CFAP299: variants seen among roughly 807,000 people sequenced by gnomAD.
The protein encoded by CFAP299 is cilia and flagella associated protein 299.
A neutral mutation model predicts 27.0 loss-of-function variants in CFAP299; 21 were observed. The ratio of observed to expected loss-of-function variants is 0.78; its 90% CI spans 0.55 to 1.12. The LOEUF (loss-of-function observed/expected upper bound fraction) is 1.12, where lower values mean the gene tolerates loss of function less well. Ranked by LOEUF, CFAP299 falls within the 50% of genes most tolerant of loss-of-function variation. The pLI is 0.00. For synonymous variants in CFAP299, 104 were observed against 98.1 expected (o/e 1.06, Z -0.36); for missense variants, 310 against 276.6 (o/e 1.12, Z -0.86).
chr4:80,533,762 A>T (rs2110190300), intron 2 of CFAP299, among the ~76,000 whole-genome samples: 1 of 152,280 alleles, frequency 6.6e-6, no homozygotes, highest in South Asian at 2.1e-4. Context: ...TGCTCATCAG[A>T]ATTATTCATA....
intron 4 of CFAP299, among the ~76,000 whole-genome samples, chr4:80,911,209 C>G (rs942391467): frequency 2.8e-5 from 4 of 144,586 alleles, no homozygotes; most frequent in African/African-American, 1.0e-4. Context: ...CATTTTTTTG[C>G]TTGGTTGTTT....
At chr4:80,953,463 A>G (rs571086777) in intron 5 of CFAP299, among the ~76,000 whole-genome samples, 1 of 152,352 alleles carries the variant, frequency 6.6e-6, no homozygotes, top group Non-Finnish European at 1.5e-5. Flanking sequence ...CCCACCACAT[A>G]TAAATTAAGT....
intron 2 of CFAP299, among the ~76,000 whole-genome samples, chr4:80,561,231 A>G (rs928207219): frequency 9.2e-5 from 14 of 152,166 alleles, no homozygotes; most frequent in Admixed American, 7.2e-4. Context: ...TACCTCTATG[A>G]GCCTGAAAGA....
At position 80,626,117 on chromosome 4, in the gene CFAP299, C is replaced by A. The variant is rs540320197; in HGVS notation, c.333+42934C>A. On this transcript the variant is annotated intron_variant, in intron 3 of 5. Coordinates refer to ENST00000358105, the MANE Select transcript of CFAP299 (RefSeq NM_152770.3). ...TATTTGCAACTCCACATGGAACATT[C>A]TCTAGGATAGATTATATGTTAGGCC... is the stretch of plus-strand genomic sequence containing the variant. 1.3e-4 allele frequency among the ~76,000 whole-genome samples: 20 copies of A among 152,038 alleles called. 1 individual carries two copies. The South Asian group carries it at 4.1e-3, about 32-fold the overall frequency.
Position 80,959,721 on chromosome 4 carries a change from C to G in CFAP299, c.607-3796C>G, listed in dbSNP as rs192363064. 8.5e-3 allele frequency among the ~76,000 whole-genome samples: 1,298 copies of G among 151,968 alleles called. 10 individuals carry two copies. The highest frequency in any genetic ancestry group is 0.031 in the Middle Eastern group (9 of 294). On this transcript the variant is annotated intron_variant, in intron 5 of 5. Coordinates refer to ENST00000358105, the MANE Select transcript of CFAP299 (RefSeq NM_152770.3). Reference sequence around the variant, plus strand: ...AACTCTTTGTGATATTTTTGAAGGGCCATCTGGGAAATCTCAGAGATAGTT... The same window carrying G: ...AACTCTTTGTGATATTTTTGAAGGGGCATCTGGGAAATCTCAGAGATAGTT...
intron 3 of CFAP299, among the ~76,000 whole-genome samples, chr4:80,657,416 G>A (rs987350513): frequency 6.6e-6 from 1 of 152,144 alleles, no homozygotes; most frequent in Non-Finnish European, 1.5e-5. Context: ...AAGGTGTAAG[G>A]AAGGGGTCCA....
At chr4:80,861,954 T>C (rs2110159834) in intron 3 of CFAP299, among the ~76,000 whole-genome samples, 1 of 152,284 alleles carries the variant, frequency 6.6e-6, no homozygotes, top group South Asian at 2.1e-4. Flanking sequence ...TATTTTCTTC[T>C]TCCAAGTACT....
upstream of CFAP299, among the ~76,000 whole-genome samples, chr4:80,330,781 G>T (rs12331902): frequency 0.12 from 18,330 of 151,584 alleles, 2,650 homozygotes; most frequent in African/African-American, 0.35. Flanking sequence ...TTTCTTGATA[G>T]TCCTCATACG....
At position 80,929,543 on chromosome 4, in the gene CFAP299, A is replaced by C. The variant is rs73831216; in HGVS notation, c.477-15267A>C. Among the ~76,000 whole-genome samples, 1,177 of 152,278 alleles carry C rather than the reference A, an allele frequency of 7.7e-3. 3 individuals carry two copies. The highest frequency in any genetic ancestry group is 0.014 in the Middle Eastern group (4 of 294). The stretch of plus-strand genomic sequence containing the variant: ...CATCTGCAACACTGCTCAATAATGA[A>C]TTCTATAATTGCTATCTTCTATATA... On this transcript the variant is annotated intron_variant, in intron 4 of 5. Coordinates refer to ENST00000358105, the MANE Select transcript of CFAP299 (RefSeq NM_152770.3).
chr4:80,494,674 A>G lies in CFAP299; in HGVS notation c.243-88419A>G, dbSNP rs995105744. On this transcript the variant is annotated intron_variant, in intron 2 of 5. Coordinates refer to ENST00000358105, the MANE Select transcript of CFAP299 (RefSeq NM_152770.3). ...CTTAGATTGTTCTGTGGCACGTTCT[A>G]TAGGTATGGCTCCTCATCCTCCCCA... 5.9e-5 allele frequency among the ~76,000 whole-genome samples: 9 copies of G among 152,188 alleles called. No homozygotes were observed. The South Asian group carries it at 1.4e-3, about 25-fold the overall frequency.
At chr4:80,796,330 C>T (rs1255050796) in intron 3 of CFAP299, among the ~76,000 whole-genome samples, 1 of 152,154 alleles carries the variant, frequency 6.6e-6, no homozygotes, top group African/African-American at 2.4e-5. Flanking sequence ...GGCATGCAAA[C>T]GTCTCACCAA....
In CFAP299 at chr4:80,690,130, TCAA is replaced by T. The variant is rs559888868; in HGVS notation, c.333+106949_333+106951del. ...CACCCCACTGTCAACATTAGGCAGATCAACGAGACAGAAAATCAACAAGGATAC... is the reference window on the plus strand; with the variant it reads ...CACCCCACTGTCAACATTAGGCAGATCGAGACAGAAAATCAACAAGGATAC... On this transcript the variant is annotated intron_variant, in intron 3 of 5. Coordinates refer to ENST00000358105, the MANE Select transcript of CFAP299 (RefSeq NM_152770.3). Among the ~76,000 whole-genome samples, 29 of 145,528 alleles carry T rather than the reference TCAA, an allele frequency of 2.0e-4. No individual in the cohort carries two copies. The South Asian group carries it at 5.8e-3, about 29-fold the overall frequency.
In CFAP299 at chr4:80,794,262, G is replaced by A. The variant is rs148007970; in HGVS notation, c.334-75731G>A. Among the ~76,000 whole-genome samples, 821 of 152,226 alleles carry A rather than the reference G, an allele frequency of 5.4e-3. 10 individuals are homozygous for A. Among genetic ancestry groups the A allele is most frequent in the African/African-American group, 0.019 (775 of 41,538 alleles). On this transcript the variant is annotated intron_variant, in intron 3 of 5. Coordinates refer to ENST00000358105, the MANE Select transcript of CFAP299 (RefSeq NM_152770.3). Reference sequence around the variant, plus strand: ...ACTGGAATCATTGTTGTGTCTCCTGGTGGCAGCATTCCTCCTTCTGGAACT... The same window carrying A: ...ACTGGAATCATTGTTGTGTCTCCTGATGGCAGCATTCCTCCTTCTGGAACT...
At chr4:80,765,290 TGCTGAAACAGTCTCA>T (rs1725793066) in intron 3 of CFAP299, among the ~76,000 whole-genome samples, 1 of 152,156 alleles carries the variant, frequency 6.6e-6, no homozygotes, top group Admixed American at 6.5e-5. Context: ...GGAAGCCTCA[TGCTGAAACAGTCTCA>T]GGAAGTTGGT....
chr4:80,457,964 T>C (rs947283139), intron 2 of CFAP299, among the ~76,000 whole-genome samples: 2 of 152,176 alleles, frequency 1.3e-5, no homozygotes, highest in African/African-American at 2.4e-5. Flanking sequence ...TCCTGTGGCA[T>C]ATTAATCCAT....
At chr4:80,657,316 G>C (rs573937684) in intron 3 of CFAP299, among the ~76,000 whole-genome samples, 2 of 152,102 alleles carry the variant, frequency 1.3e-5, no homozygotes, top group Non-Finnish European at 2.9e-5. Context: ...CCTATGTACT[G>C]AATGGTATTG....
chr4:80,608,400 GA>G, intron 3 of CFAP299: 1 of 1,502,542 alleles, frequency 6.7e-7, no homozygotes, highest in Admixed American at 2.0e-5. Flanking sequence ...ACTGCTTATG[GA>G]AAAGTTTCCT....
At chr4:80,436,246 A>T (rs1728067407) in intron 2 of CFAP299, among the ~76,000 whole-genome samples, 1 of 151,632 alleles carries the variant, frequency 6.6e-6, no homozygotes, top group Non-Finnish European at 1.5e-5. Flanking sequence ...TGTGACTTAT[A>T]TCTGATAAAT....
At chr4:80,882,582 A>G (rs77676359) in intron 4 of CFAP299, among the ~76,000 whole-genome samples, 2 of 152,078 alleles carry the variant, frequency 1.3e-5, no homozygotes, top group Non-Finnish European at 2.9e-5. Context: ...AGCTTGCAGT[A>G]AGCCGAGATA....
Sources: allele counts gnomAD v4.1 joint callset (sites outside exome capture counted in the v4.1 genomes callset), GRCh38; gene constraint gnomAD v4.1.1; transcripts MANE v1.5; gene names NCBI Gene and HGNC (gene_info 2026-07-23, HGNC 2026-07-21).